PBX1: variants seen among roughly 807,000 people sequenced by gnomAD.
PBX1 encodes the protein pre-B-cell leukemia transcription factor 1.
Under a neutral mutation model 53.4 loss-of-function variants are expected in PBX1, and 6 were observed. The observed-to-expected ratio is 0.11, with a 90% CI of 0.06 to 0.22. The LOEUF is 0.22. Ranked by LOEUF, PBX1 falls within the 10% of genes least tolerant of loss-of-function variation. The pLI is 1.00. For synonymous variants in PBX1, 204 were observed against 212.3 expected, an observed-to-expected ratio of 0.96 and a Z score of 0.34; for missense variants, 251 against 551.4, an observed-to-expected ratio of 0.46 and a Z score of 5.46.
intron 2 of PBX1, among the ~76,000 whole-genome samples, chr1:164,719,838 C>T (rs1664306732): frequency 6.6e-6 from 1 of 152,150 alleles, no homozygotes; most frequent in African/African-American, 2.4e-5. Flanking sequence ...CGGTCTGCTG[C>T]TGGCCCTGTG....
At chr1:164,659,737 C>T (rs1374412527) in intron 2 of PBX1, among the ~76,000 whole-genome samples, 1 of 152,158 alleles carries the variant, frequency 6.6e-6, no homozygotes, top group Non-Finnish European at 1.5e-5. Flanking sequence ...CATGCCCAGT[C>T]TTGTGTTTTG....
chr1:164,638,032 G>A (rs556033553), intron 2 of PBX1, among the ~76,000 whole-genome samples: 2 of 152,300 alleles, frequency 1.3e-5, no homozygotes, highest in South Asian at 2.1e-4. Context: ...TATTGAGGGG[G>A]TCTATTAATG....
chr1:164,610,504 G>A (rs560141960), intron 2 of PBX1, among the ~76,000 whole-genome samples: 1 of 152,242 alleles, frequency 6.6e-6, no homozygotes, highest in South Asian at 2.1e-4. Flanking sequence ...AGTGAATTAA[G>A]CCAGGAAGGC....
At chr1:164,766,740 T>TTA (rs1557994525) in intron 2 of PBX1, among the ~76,000 whole-genome samples, 5 of 136,008 alleles carry the variant, frequency 3.7e-5, no homozygotes, top group African/African-American at 1.4e-4. Flanking sequence ...ATTTATTTAT[T>TTA]TTTTTTTTTT....
At chr1:164,627,714 C>G (rs865962018) in intron 2 of PBX1, among the ~76,000 whole-genome samples, 1 of 152,180 alleles carries the variant, frequency 6.6e-6, no homozygotes, top group African/African-American at 2.4e-5. Flanking sequence ...AAGCATTTCT[C>G]TCTTTAAAAG....
At chr1:164,673,880 T>C (rs888023847) in intron 2 of PBX1, among the ~76,000 whole-genome samples, 1 of 152,122 alleles carries the variant, frequency 6.6e-6, no homozygotes, top group African/African-American at 2.4e-5. Context: ...AGTCCCCTTG[T>C]CCTCTGCTAC....
chr1:164,813,890 T>G (rs536012531), intron 6 of PBX1: 6 of 152,336 alleles, frequency 3.9e-5, no homozygotes, highest in African/African-American at 1.2e-4. Flanking sequence ...TGTCAGACTA[T>G]GATTACAGTT....
intron 8 of PBX1, among the ~76,000 whole-genome samples, chr1:164,826,561 T>C (rs1031686310): frequency 6.6e-6 from 1 of 152,206 alleles, no homozygotes; most frequent in South Asian, 2.1e-4. Context: ...TGCACCACCA[T>C]GCCCAGCTAA....
intron 2 of PBX1, among the ~76,000 whole-genome samples, chr1:164,731,887 G>A (rs1258195046): frequency 1.3e-5 from 2 of 152,116 alleles, no homozygotes; most frequent in East Asian, 1.9e-4. Flanking sequence ...CTGCTGCCAC[G>A]AAGCTTCCTG....
intron 4 of PBX1, among the ~76,000 whole-genome samples, chr1:164,806,828 C>T (rs1437167003): frequency 1.3e-5 from 2 of 152,188 alleles, no homozygotes; most frequent in African/African-American, 4.8e-5. Flanking sequence ...ACGTGTTGGG[C>T]GCTGTGCTGA....
At chr1:164,716,112 T>G (rs1393262417) in intron 2 of PBX1, among the ~76,000 whole-genome samples, 1 of 152,228 alleles carries the variant, frequency 6.6e-6, no homozygotes, top group Non-Finnish European at 1.5e-5. Context: ...ATTCTGCTTA[T>G]GAATTATGCC....
intron 2 of PBX1, among the ~76,000 whole-genome samples, chr1:164,665,436 C>T (rs529190756): frequency 3.3e-5 from 5 of 152,216 alleles, no homozygotes; most frequent in Middle Eastern, 3.4e-3. Flanking sequence ...AGGCATGCGC[C>T]ACTATGCCTG....
At chr1:164,881,877 T>C (rs1473686189) in intron 2 of PBX1, among the ~76,000 whole-genome samples, 1 of 152,246 alleles carries the variant, frequency 6.6e-6, no homozygotes, top group East Asian at 1.9e-4. Flanking sequence ...TAGAAGCTCA[T>C]TCACTTTAGC....
chr1:164,765,117 G>A (rs1666999824), intron 2 of PBX1, among the ~76,000 whole-genome samples: 1 of 152,140 alleles, frequency 6.6e-6, no homozygotes, highest in Non-Finnish European at 1.5e-5. Context: ...ACAGTTTACA[G>A]ACAGTGATTT....
At chr1:164,590,010 C>A (rs1333449522) in intron 2 of PBX1, among the ~76,000 whole-genome samples, 1 of 152,016 alleles carries the variant, frequency 6.6e-6, no homozygotes, top group African/African-American at 2.4e-5. Context: ...GATTTCAAGA[C>A]CAGCCTGGGC....
intron 2 of PBX1, among the ~76,000 whole-genome samples, chr1:164,589,280 A>G (rs1401809651): frequency 6.6e-6 from 1 of 152,026 alleles, no homozygotes; most frequent in Non-Finnish European, 1.5e-5. Flanking sequence ...CACACACAGC[A>G]TTCCCAAGTT....
chr1:164,681,183 T>C (rs1250851787), intron 2 of PBX1, among the ~76,000 whole-genome samples: 1 of 152,192 alleles, frequency 6.6e-6, no homozygotes, highest in Admixed American at 6.5e-5. Flanking sequence ...AGTTCGAGGC[T>C]ATAGTGTGAG....
chr1:164,841,522 A>G (rs1671290765), intron 8 of PBX1, among the ~76,000 whole-genome samples: 1 of 152,150 alleles, frequency 6.6e-6, no homozygotes. Flanking sequence ...GACTGGAGGA[A>G]TACCCAGACC....
At chr1:164,831,564 A>G (rs1416949553) in intron 8 of PBX1, 2 of 151,688 alleles carry the variant, frequency 1.3e-5, no homozygotes, top group Non-Finnish European at 2.9e-5. Flanking sequence ...AATTTTTTGT[A>G]TTTTTTAGTA....
Sources: allele counts gnomAD v4.1 joint callset (sites outside exome capture counted in the v4.1 genomes callset), GRCh38; gene constraint gnomAD v4.1.1; transcripts MANE v1.5; gene names NCBI Gene and HGNC (gene_info 2026-07-23, HGNC 2026-07-21).